The following TLR2 variants were observed in gnomAD, a reference collection of about 807,000 sequenced individuals.
TLR2 encodes toll like receptor 2, also known as toll-like receptor 2.
In TLR2, 7 loss-of-function variants were observed where a neutral mutation model predicts 9.1. That is an observed-to-expected ratio of 0.77 (90% CI 0.44 to 1.44). The LOEUF is 1.44. Ranked by LOEUF, TLR2 falls within the 40% of genes most tolerant of loss-of-function variation. The probability of loss-of-function intolerance (pLI) is 0.01; values close to 1 mark genes in which losing one functional copy is unlikely to be tolerated. For missense variants in TLR2, 812 were observed against 904.6 expected, an observed-to-expected ratio of 0.90 and a Z score of 1.31; for synonymous variants, 317 against 344.6, an observed-to-expected ratio of 0.92 and a Z score of 0.89.
At position 153,703,527 on chromosome 4, in the gene TLR2, T is replaced by C. The variant is rs901988067; in HGVS notation, c.620T>C (p.Met207Thr). 1.9e-6 allele frequency: 3 copies of C among 1,613,996 alleles called. No individual in the cohort carries two copies. Among genetic ancestry groups the C allele is most frequent in the Middle Eastern group, 1.6e-4 (1 of 6,084 alleles). ...IQNVSHLILH[M>T]KQHILLLEIF... Reference sequence around the variant, plus strand: ...AATGTAAGTCATCTGATCCTTCATATGAAGCAGCATATTTTACTGCTGGAG... The same window carrying C: ...AATGTAAGTCATCTGATCCTTCATACGAAGCAGCATATTTTACTGCTGGAG... Residue 207 changes from methionine to threonine, a missense_variant, in exon 3 of 3, where the codon ATG becomes ACG. Coordinates refer to ENST00000642700, the MANE Select transcript of TLR2 (RefSeq NM_001318789.2).
intron 2 of TLR2, chr4:153,702,161 A>G (rs1176035295): frequency 6.6e-6 from 1 of 152,168 alleles, no homozygotes; most frequent in African/African-American, 2.4e-5. Flanking sequence ...AGATAGTTTT[A>G]TTTCCCCCAC....
downstream of TLR2, among the ~76,000 whole-genome samples, chr4:153,708,894 G>C (rs1000962812): frequency 6.6e-6 from 1 of 152,172 alleles, no homozygotes; most frequent in Non-Finnish European, 1.5e-5. Flanking sequence ...AGGTGGAGTT[G>C]TGCAGACAGG....
At chr4:153,684,480 C>G (rs541038495) in intron 1 of TLR2, 120 bp downstream of exon 1, 3 of 152,606 alleles carry the variant, frequency 2.0e-5, no homozygotes, top group Admixed American at 2.0e-4. Flanking sequence ...GGCTCCCGTT[C>G]GGCTGCACCT....
At chr4:153,710,145 G>A (rs1737464275), downstream of TLR2, 1 of 420,428 alleles carries the variant, frequency 2.4e-6, no homozygotes, top group East Asian at 4.1e-5. Flanking sequence ...ATGTGCATGA[G>A]TTAAGAAACA....
intron 2 of TLR2, among the ~76,000 whole-genome samples, chr4:153,694,464 C>G (rs957002297): frequency 3.9e-5 from 6 of 152,194 alleles, no homozygotes; most frequent in Non-Finnish European, 7.3e-5. Context: ...GGCAAACAGG[C>G]ACATATTTTT....
At chr4:153,697,602 A>G (rs1478631957) in intron 2 of TLR2, among the ~76,000 whole-genome samples, 1 of 152,168 alleles carries the variant, frequency 6.6e-6, no homozygotes, top group Non-Finnish European at 1.5e-5. Flanking sequence ...CTCAAAATCA[A>G]ATTCTAAATT....
At chr4:153,691,353 G>T (rs573846256) in intron 2 of TLR2, among the ~76,000 whole-genome samples, 4 of 152,276 alleles carry the variant, frequency 2.6e-5, no homozygotes, top group Admixed American at 2.6e-4. Flanking sequence ...TTGTGAGAGG[G>T]ACAATAATTT....
At position 153,703,932 on chromosome 4, in the gene TLR2, C is replaced by G; in HGVS notation, c.1025C>G (p.Thr342Arg). 6.2e-7 allele frequency: 1 copy of G among 1,612,104 alleles called. No homozygotes were observed. Among genetic ancestry groups the G allele is most frequent in the Non-Finnish European group, 8.5e-7 (1 of 1,179,558 alleles). Residue 342 changes from threonine to arginine, a missense_variant, in exon 3 of 3, where the codon ACA becomes AGA. By Grantham distance (71) the Thr-to-Arg change is moderately conservative. Transcript: ENST00000642700. Reference protein sequence around the residue: ...YSLTERVKRITVENSKVFLVP... With the variant: ...YSLTERVKRIRVENSKVFLVP... Reference sequence around the variant, plus strand: ...CTTACAGAAAGAGTTAAAAGAATCACAGTAGAAAACAGTAAAGTTTTTCTG... The same window carrying G: ...CTTACAGAAAGAGTTAAAAGAATCAGAGTAGAAAACAGTAAAGTTTTTCTG...
At chr4:153,702,805 T>A in intron 2 of TLR2, 87 bp from the exon 3 acceptor site, 1 of 744,694 alleles carries the variant, frequency 1.3e-6, no homozygotes, top group Non-Finnish European at 2.2e-6. Flanking sequence ...TGTGTGTGTG[T>A]GTTATGCCTA....
chr4:153,699,879 A>C (rs1169021437), intron 2 of TLR2, among the ~76,000 whole-genome samples: 3 of 152,220 alleles, frequency 2.0e-5, no homozygotes, highest in African/African-American at 2.4e-5. Flanking sequence ...ACATATATGT[A>C]TATGCCATAT....
In TLR2 at chr4:153,703,305, G is replaced by A; in HGVS notation, c.398G>A (p.Gly133Glu). ...TCTTTAACATTCTTAAACTTACTGG[G>A]AAATCCTTACAAAACCCTAGGGGAA... ...LSSLTFLNLL[G>E]NPYKTLGETS... The change falls in exon 3 of 3, where the codon GGA becomes GAA. Residue 133 changes from glycine to glutamate, a missense_variant. Transcript: ENST00000642700. 1 of 1,612,274 alleles carries A rather than the reference G, an allele frequency of 6.2e-7. No individual in the cohort carries two copies. Among genetic ancestry groups the A allele is most frequent in the South Asian group, 1.1e-5 (1 of 90,526 alleles).
chr4:153,686,762 C>T (rs1189903966), intron 1 of TLR2, among the ~76,000 whole-genome samples: 3 of 152,070 alleles, frequency 2.0e-5, no homozygotes, highest in Non-Finnish European at 4.4e-5. Context: ...GAAAAATCCA[C>T]AATCATAGTG....
rs1400937870 is a variant in TLR2, at chr4:153,705,880, T to G, written c.*618T>G. Among the ~76,000 whole-genome samples the G allele has an allele frequency of 6.6e-6, 1 of 152,192 alleles. No individual in the cohort carries two copies. Among genetic ancestry groups the G allele is most frequent in the East Asian group, 1.9e-4 (1 of 5,202 alleles). On this transcript the variant is annotated 3_prime_UTR_variant, in exon 3 of 3. Transcript: ENST00000642700. ...CATTAGGAAACAGCACAAATGAACTTAAGATTCTCAATGACTGTGTCATTC... is the reference window on the plus strand; with the variant it reads ...CATTAGGAAACAGCACAAATGAACTGAAGATTCTCAATGACTGTGTCATTC...
At chr4:153,708,918 G>C (rs1737419250), downstream of TLR2, among the ~76,000 whole-genome samples, 1 of 152,140 alleles carries the variant, frequency 6.6e-6, no homozygotes, top group African/African-American at 2.4e-5. Context: ...TCAAATAAGA[G>C]AAGTTACTCA....
downstream of TLR2, among the ~76,000 whole-genome samples, chr4:153,707,368 C>A (rs189340696): frequency 2.0e-3 from 306 of 152,056 alleles, 1 homozygote; most frequent in African/African-American, 6.2e-3. Context: ...GGAAACATGG[C>A]AAAACCCTGT....
At chr4:153,687,387 A>T (rs1226374730) in intron 1 of TLR2, among the ~76,000 whole-genome samples, 1 of 152,202 alleles carries the variant, frequency 6.6e-6, no homozygotes, top group African/African-American at 2.4e-5. Flanking sequence ...TTTTTTGAAA[A>T]TGCTAATAAA....
At chr4:153,710,521 A>G, downstream of TLR2, 1 of 1,598,934 alleles carries the variant, frequency 6.3e-7, no homozygotes, top group East Asian at 2.2e-5. Context: ...TGTTCTATAT[A>G]CAGCCAAGTA....
At chr4:153,686,484 A>C (rs543546601) in intron 1 of TLR2, among the ~76,000 whole-genome samples, 41 of 152,232 alleles carry the variant, frequency 2.7e-4, no homozygotes, top group Non-Finnish European at 5.4e-4. Flanking sequence ...TGCTGTTTAC[A>C]AGAGACACAT....
At chr4:153,686,861 C>T (rs189867952) in intron 1 of TLR2, among the ~76,000 whole-genome samples, 2 of 152,210 alleles carry the variant, frequency 1.3e-5, no homozygotes, top group East Asian at 3.9e-4. Flanking sequence ...CAATGTAGTT[C>T]ACATAAGGAA....
Sources: allele counts gnomAD v4.1 joint callset (sites outside exome capture counted in the v4.1 genomes callset), GRCh38; gene constraint gnomAD v4.1.1; transcripts MANE v1.5; gene names NCBI Gene and HGNC (gene_info 2026-07-23, HGNC 2026-07-21).